STAT5B: variants seen among roughly 807,000 people sequenced by gnomAD.
STAT5B encodes the protein signal transducer and activator of transcription 5B, also known as transcription factor STAT5B.
A neutral mutation model predicts 107.8 loss-of-function variants in STAT5B; 21 were observed. That is an observed-to-expected ratio of 0.19 (90% CI 0.14 to 0.28). The LOEUF is 0.28. Among genes scored for constraint, STAT5B ranks in the 10% least tolerant of loss-of-function variants. The pLI, the probability that STAT5B is intolerant of heterozygous loss-of-function variation, is 1.00. For synonymous variants in STAT5B, 325 were observed against 401.7 expected (o/e 0.81, Z 2.28); for missense variants, 565 against 1,008.2 (o/e 0.56, Z 5.95).
At chr17:42,238,417 G>A (rs905910030) in intron 1 of STAT5B, among the ~76,000 whole-genome samples, 24 of 146,490 alleles carry the variant, frequency 1.6e-4, no homozygotes, top group African/African-American at 5.9e-4. Context: ...CCCCCAGAGT[G>A]CTGGGATTAG....
intron 1 of STAT5B, among the ~76,000 whole-genome samples, chr17:42,266,779 T>G (rs1040054310): frequency 6.6e-6 from 1 of 152,176 alleles, no homozygotes; most frequent in Admixed American, 6.5e-5. Flanking sequence ...CAACTCAGCA[T>G]GTGAATTGTA....
At chr17:42,237,387 C>T (rs2080365436) in intron 1 of STAT5B, among the ~76,000 whole-genome samples, 1 of 152,204 alleles carries the variant, frequency 6.6e-6, no homozygotes, top group South Asian at 2.1e-4. Context: ...TATCTTTTCT[C>T]AGATGCTTTT....
At chr17:42,271,107 G>A (rs1187318515) in intron 1 of STAT5B, 1 of 152,212 alleles carries the variant, frequency 6.6e-6, no homozygotes, top group African/African-American at 2.4e-5. Context: ...CTTCCCAGGT[G>A]AGCCATGGTA....
chr17:42,283,639 G>C, the STAT5B span, among the ~76,000 whole-genome samples: 1 of 152,236 alleles, frequency 6.6e-6, no homozygotes, highest in Non-Finnish European at 1.5e-5. Context: ...TGACTTCCCT[G>C]AAGAGTGGTG....
intron 3 of STAT5B, among the ~76,000 whole-genome samples, chr17:42,226,109 A>G (rs1422911819): frequency 6.6e-6 from 1 of 151,718 alleles, no homozygotes; most frequent in Non-Finnish European, 1.5e-5. Flanking sequence ...TAATTTCTGT[A>G]TTTTTAGTAG....
chr17:42,236,412 G>A (rs12150495), intron 1 of STAT5B, among the ~76,000 whole-genome samples: 7,445 of 152,284 alleles, frequency 0.049, 279 homozygotes, highest in Non-Finnish European at 0.074. Flanking sequence ...CCAGTTACGT[G>A]AATAACACCT....
intron 4 of STAT5B, among the ~76,000 whole-genome samples, chr17:42,224,175 C>T (rs573000128): frequency 6.3e-4 from 96 of 152,288 alleles, no homozygotes; most frequent in Non-Finnish European, 1.2e-3. Flanking sequence ...ACACCTGATT[C>T]AGGGGCTAGG....
intron 1 of STAT5B, among the ~76,000 whole-genome samples, chr17:42,273,033 T>C (rs1399623286): frequency 6.6e-6 from 1 of 152,196 alleles, no homozygotes; most frequent in East Asian, 1.9e-4. Flanking sequence ...AATGTCAAGA[T>C]TTTACTTCAA....
At chr17:42,283,892 G>T in the STAT5B span, among the ~76,000 whole-genome samples, 1 of 152,180 alleles carries the variant, frequency 6.6e-6, no homozygotes, top group South Asian at 2.1e-4. Context: ...CTTCTCCGGT[G>T]GGGGCTGGAG....
intron 1 of STAT5B, among the ~76,000 whole-genome samples, chr17:42,247,146 G>GCC (rs573096172): frequency 1.2e-3 from 183 of 152,274 alleles, no homozygotes; most frequent in African/African-American, 4.1e-3. Flanking sequence ...TGCTAAGGGG[G>GCC]CCCTGAGATG....
At chr17:42,268,723 G>C (rs1598342866) in intron 1 of STAT5B, 1 of 152,016 alleles carries the variant, frequency 6.6e-6, no homozygotes, top group East Asian at 1.9e-4. Flanking sequence ...AGGGTGAACT[G>C]TTTCATTTTT....
rs1289236449 is a variant in STAT5B, at chr17:42,207,695, G to A, written c.1940C>T (p.Thr647Ile). 6.2e-7 allele frequency: 1 copy of A among 1,614,118 alleles called. No homozygotes were observed. Among genetic ancestry groups the A allele is most frequent in the Non-Finnish European group, 8.5e-7 (1 of 1,180,030 alleles). The change falls in exon 16 of 19, where the codon ACC becomes ATC. Residue 647 changes from threonine (T) to isoleucine (I), a missense_variant. By Grantham distance (89) the Thr-to-Ile change is moderately conservative. This residue lies in a region of STAT5B where 38 missense variants were observed against 79.5 expected (regional missense o/e 0.48). Coordinates refer to ENST00000293328, the MANE Select transcript of STAT5B (RefSeq NM_012448.4). ...ERMFWNLMPF[T>I]TRDFSIRSLA... ...GGACCGAATGGAGAAGTCTCTGGTG[G>A]TAAAAGGCATCAGATTCCAAAACAT... is the stretch of plus-strand genomic sequence containing the variant.
In STAT5B at chr17:42,210,447, C is replaced by G; in HGVS notation, c.1731G>C (p.Val577=). 4.3e-6 allele frequency: 7 copies of G among 1,614,208 alleles called. No homozygotes were observed. The highest frequency in any genetic ancestry group is 5.9e-6 in the Non-Finnish European group (7 of 1,180,042). The part of the protein sequence containing the change: ...NYTFWQWFDG[V]MEVLKKHLKP... ...TGAGATGTTTTTTTAACACTTCCAT[C>G]ACACCGTCAAACCATTGCCAGAAAG... The change falls in exon 14 of 19, where the codon GTG becomes GTC. Residue 577 remains valine (V), a synonymous_variant. Coordinates refer to ENST00000293328, the MANE Select transcript of STAT5B (RefSeq NM_012448.4).
intron 4 of STAT5B, 97 bp downstream of exon 4, chr17:42,224,682 T>G: frequency 1.7e-6 from 2 of 1,183,750 alleles, no homozygotes; most frequent in Non-Finnish European, 1.2e-6. Flanking sequence ...GAGACACCAA[T>G]AGTGCACCCT....
intron 13 of STAT5B, among the ~76,000 whole-genome samples, chr17:42,211,245 C>T (rs1225998445): frequency 2.0e-5 from 3 of 151,886 alleles, no homozygotes; most frequent in Non-Finnish European, 2.9e-5. Flanking sequence ...AGTGGACTCA[C>T]GCCTGTAATC....
At chr17:42,236,062 A>C (rs2144310005) in intron 1 of STAT5B, among the ~76,000 whole-genome samples, 1 of 152,338 alleles carries the variant, frequency 6.6e-6, no homozygotes, top group South Asian at 2.1e-4. Context: ...TAGAATTTGT[A>C]GAATATTTTT....
chr17:42,249,536 T>C (rs555492535), intron 1 of STAT5B, among the ~76,000 whole-genome samples: 34 of 152,194 alleles, frequency 2.2e-4, no homozygotes, highest in Non-Finnish European at 4.8e-4. Flanking sequence ...TGCAACATGC[T>C]AGGGCACAGG....
intron 1 of STAT5B, among the ~76,000 whole-genome samples, chr17:42,274,604 A>G (rs1377292521): frequency 1.3e-5 from 2 of 152,228 alleles, no homozygotes; most frequent in East Asian, 1.9e-4. Context: ...AAATCAATCA[A>G]TAAGATTCTC....
rs1206170675 is a variant in STAT5B, at chr17:42,220,705, G to A, written c.551-863C>T. ...AAGATTCTCTCAGGAAAGGGAGGCC[G>A]AAGGGAGGCGGCTTCCCTCCACACC... On this transcript the variant is annotated intron_variant, in intron 5 of 18. Coordinates refer to ENST00000293328, the MANE Select transcript of STAT5B (RefSeq NM_012448.4). Among the ~76,000 whole-genome samples the A allele has an allele frequency of 7.9e-5, 12 of 152,290 alleles. No homozygotes were observed. In the South Asian group the frequency reaches 1.7e-3, roughly 21 times the overall value.
Sources: gnomAD v4.1 joint callset for allele counts (sites outside exome capture counted in the v4.1 genomes callset) on GRCh38, gnomAD v4.1.1 for gene constraint, gnomAD v4.1.1 regional missense constraint, MANE v1.5 for transcripts, NCBI Gene and HGNC (gene_info 2026-07-23, HGNC 2026-07-21) for gene names.